Variants in AGTPBP1 observed in about 807,000 individuals in gnomAD.
AGTPBP1 encodes the protein cytosolic carboxypeptidase 1.
AGTPBP1 carries 70 observed loss-of-function variants against 143.9 expected under a neutral mutation model. That is an observed-to-expected ratio of 0.49 (90% CI 0.40 to 0.59). The LOEUF is 0.59. Ranked by LOEUF, AGTPBP1 falls within the 20% of genes least tolerant of loss-of-function variation. The pLI is 0.00. For missense variants in AGTPBP1, 1,229 were observed against 1,464.5 expected (o/e 0.84, Z 2.62); for synonymous variants, 463 against 500.2 (o/e 0.93, Z 0.99).
chr9:85,725,522 T>C (rs1278193899), intron 1 of AGTPBP1, among the ~76,000 whole-genome samples: 1 of 151,982 alleles, frequency 6.6e-6, no homozygotes, highest in African/African-American at 2.4e-5. Flanking sequence ...CCCTCTCAAA[T>C]TACCTCCACA....
chr9:85,713,570 T>C (rs1163143916), intron 1 of AGTPBP1, among the ~76,000 whole-genome samples: 1 of 152,028 alleles, frequency 6.6e-6, no homozygotes, highest in Non-Finnish European at 1.5e-5. Context: ...AACCAGTTAA[T>C]CACATACTTA....
At position 85,633,602 on chromosome 9, in the gene AGTPBP1, G is replaced by A. The variant is rs369709682; in HGVS notation, c.1303-228C>T. Among the ~76,000 whole-genome samples the A allele has an allele frequency of 4.2e-3, 632 of 152,178 alleles. 4 individuals are homozygous for A. The highest frequency in any genetic ancestry group is 0.015 in the African/African-American group (606 of 41,512). ...TGTCACAGAAATGTGGGAAATCTTA[G>A]AATTCTAAACAGAAAAACATAAAGA... On this transcript the variant is annotated intron_variant, in intron 13 of 25. Transcript: ENST00000357081.
intron 25 of AGTPBP1, among the ~76,000 whole-genome samples, chr9:85,557,021 G>A (rs1302549184): frequency 6.6e-6 from 1 of 152,074 alleles, no homozygotes. Context: ...TCTCTAATAT[G>A]AATATAACAC....
Position 85,669,579 on chromosome 9 carries a change from C to G in AGTPBP1, c.569-1G>C. 2.5e-6 allele frequency: 4 copies of G among 1,605,032 alleles called. No homozygotes were observed. Among genetic ancestry groups the G allele is most frequent in the Non-Finnish European group, 3.4e-6 (4 of 1,172,818 alleles). ...TTCCCTAAGGATACTGAATTCACAG[C>G]TGAGAGGGGGAGAAAGAGATGCAAA... On this transcript the variant is annotated splice_acceptor_variant, in intron 7 of 25. Coordinates refer to ENST00000357081, the MANE Select transcript of AGTPBP1 (RefSeq NM_001330701.2). LOFTEE classifies it high-confidence loss of function.
chr9:85,633,495 A>G, intron 13 of AGTPBP1, 121 bp from the exon 14 acceptor site: 2 of 712,262 alleles, frequency 2.8e-6, no homozygotes, highest in Non-Finnish European at 4.1e-6. Flanking sequence ...GATGGATAAA[A>G]CCGGATATGT....
chr9:85,560,498 T>TG (rs372124330), intron 25 of AGTPBP1, among the ~76,000 whole-genome samples: 287 of 152,186 alleles, frequency 1.9e-3, no homozygotes, highest in African/African-American at 6.5e-3. Flanking sequence ...AGGGTGCAAG[T>TG]GGGGAGCGCA....
intron 25 of AGTPBP1, among the ~76,000 whole-genome samples, chr9:85,552,660 A>G (rs966058699): frequency 7.2e-5 from 11 of 152,346 alleles, no homozygotes; most frequent in African/African-American, 2.2e-4. Context: ...ATATGATGAT[A>G]ATAATAAAAC....
intron 3 of AGTPBP1, among the ~76,000 whole-genome samples, chr9:85,684,994 T>G (rs900066950): frequency 6.6e-6 from 1 of 150,650 alleles, no homozygotes; most frequent in Non-Finnish European, 1.5e-5. Context: ...AAAAAACATC[T>G]GAAATAAATT....
chr9:85,550,178 TGA>T (rs1825951869), intron 25 of AGTPBP1, among the ~76,000 whole-genome samples: 2 of 123,206 alleles, frequency 1.6e-5, no homozygotes, highest in South Asian at 6.3e-4. Flanking sequence ...CAAGAGTTTG[TGA>T]GTGTGTGTGT....
intron 17 of AGTPBP1, among the ~76,000 whole-genome samples, chr9:85,604,422 C>G (rs550165073): frequency 6.6e-6 from 1 of 152,190 alleles, no homozygotes; most frequent in Non-Finnish European, 1.5e-5. Context: ...TTGGGTCCCC[C>G]CTAATGCAGA....
chr9:85,607,470 A>G lies in AGTPBP1; in HGVS notation c.2336-11021T>C, dbSNP rs1347011356. Among the ~76,000 whole-genome samples the G allele has an allele frequency of 2.0e-5, 3 of 152,142 alleles. No individual in the cohort carries two copies. The East Asian group carries it at 5.8e-4, about 29-fold the overall frequency. On this transcript the variant is annotated intron_variant, in intron 17 of 25. Coordinates refer to ENST00000357081, the MANE Select transcript of AGTPBP1 (RefSeq NM_001330701.2). ...CAAATGAGGTAAACTCAGACTCAAT[A>G]AACCAGTCTATTCAACCTGATATAG... is the stretch of plus-strand genomic sequence containing the variant.
At chr9:85,667,837 T>A (rs1482478622) in intron 8 of AGTPBP1, among the ~76,000 whole-genome samples, 3 of 149,068 alleles carry the variant, frequency 2.0e-5, no homozygotes, top group African/African-American at 7.4e-5. Context: ...TTCAAAAGAT[T>A]ATGAGACATA....
chr9:85,599,234 A>C (rs1176098572), intron 17 of AGTPBP1, among the ~76,000 whole-genome samples: 2 of 152,016 alleles, frequency 1.3e-5, no homozygotes, highest in African/African-American at 2.4e-5. Context: ...AGGCAGAGAG[A>C]GATCCCACTA....
In AGTPBP1 at chr9:85,741,824, G is replaced by T; in HGVS notation, c.-83C>A. The stretch of plus-strand genomic sequence containing the variant: ...GGACCGCGCAGAGCCGCAGCACCCG[G>T]CTCAGCACCTGGATCACGGCGGATC... On this transcript the variant is annotated 5_prime_UTR_variant, in exon 1 of 26. Transcript: ENST00000357081. The T allele has an allele frequency of 1.4e-6, 2 of 1,398,674 alleles. No individual in the cohort carries two copies. Among genetic ancestry groups the T allele is most frequent in the Non-Finnish European group, 1.9e-6 (2 of 1,077,916 alleles). 86.6% of individuals were successfully genotyped at this position (1,398,674 alleles called of 1,614,324 possible). A position where few individuals can be genotyped will look rare whatever the true frequency, so the allele number is the denominator to read the frequency against.
chr9:85,557,862 T>C (rs1401166196), intron 25 of AGTPBP1, among the ~76,000 whole-genome samples: 2 of 152,210 alleles, frequency 1.3e-5, no homozygotes, highest in Non-Finnish European at 2.9e-5. Context: ...GCAACTATTA[T>C]CTTTGTACTA....
chr9:85,680,980 A>G (rs1485533377), intron 4 of AGTPBP1, among the ~76,000 whole-genome samples: 2 of 152,238 alleles, frequency 1.3e-5, no homozygotes, highest in African/African-American at 4.8e-5. Flanking sequence ...TGTTAGGATT[A>G]CAATTTACAG....
chr9:85,792,857 T>A, the AGTPBP1 span, among the ~76,000 whole-genome samples: 3 of 152,198 alleles, frequency 2.0e-5, no homozygotes, highest in African/African-American at 7.2e-5. Context: ...AGGTTTTCCA[T>A]ACAGTTGGAT....
Position 85,579,080 on chromosome 9 carries a change from A to C in AGTPBP1, c.3182T>G (p.Leu1061Arg). The change falls in exon 24 of 26, where the codon CTG (leucine) becomes CGG (arginine). Residue 1061 changes from leucine to arginine, a missense_variant. This residue lies in a region of AGTPBP1 where 486 missense variants were observed against 652.3 expected (regional missense o/e 0.75). Transcript: ENST00000357081. The part of the protein sequence containing the change: ...DTGYRTLPKI[L>R]SHIAPAFCMS... ...GCAAAATGCTGGGGCGATATGGCTC[A>C]GTATCTTAGGCAATGTCTGTTAAAA... 6.2e-7 allele frequency: 1 copy of C among 1,606,666 alleles called. No individual in the cohort carries two copies.
intron 17 of AGTPBP1, among the ~76,000 whole-genome samples, chr9:85,617,367 T>G (rs1386764240): frequency 6.6e-6 from 1 of 152,176 alleles, no homozygotes; most frequent in Admixed American, 6.5e-5. Context: ...GCAAGTTTTC[T>G]TGTATGCCAG....
Sources: allele counts gnomAD v4.1 joint callset (sites outside exome capture counted in the v4.1 genomes callset), GRCh38; gene constraint gnomAD v4.1.1; regional missense constraint gnomAD v4.1.1; transcripts MANE v1.5; gene names NCBI Gene and HGNC (gene_info 2026-07-23, HGNC 2026-07-21).